Variants in TOM1L1 observed in about 807,000 individuals in gnomAD.
TOM1L1 encodes target of myb1 like 1 membrane trafficking protein, also known as TOM1-like protein 1.
TOM1L1 carries 64 observed loss-of-function variants against 63.4 expected under a neutral mutation model. The observed-to-expected ratio is 1.01, with a 90% CI of 0.83 to 1.24. The LOEUF (loss-of-function observed/expected upper bound fraction) is 1.24. TOM1L1 is among the 50% of genes most tolerant of loss of function. The pLI is 0.00. For synonymous variants in TOM1L1, 166 were observed against 194.4 expected, an observed-to-expected ratio of 0.85 and a Z score of 1.22; for missense variants, 536 against 567.0, an observed-to-expected ratio of 0.95 and a Z score of 0.55.
intron 1 of TOM1L1, among the ~76,000 whole-genome samples, chr17:54,903,072 G>A (rs185795521): frequency 2.6e-5 from 4 of 152,286 alleles, no homozygotes; most frequent in Admixed American, 2.0e-4. Flanking sequence ...AGAAGGAATC[G>A]TGAGATTAAG....
chr17:54,945,826 T>TAA (rs1420461936), intron 11 of TOM1L1, among the ~76,000 whole-genome samples: 1 of 152,192 alleles, frequency 6.6e-6, no homozygotes, highest in Non-Finnish European at 1.5e-5. Context: ...ATAGCTGCCT[T>TAA]AAATATCTCT....
At chr17:54,938,760 G>T in intron 10 of TOM1L1, 164 bp from the exon 11 acceptor site, 1 of 499,200 alleles carries the variant, frequency 2.0e-6, no homozygotes. Flanking sequence ...GAAATCTCAT[G>T]ATTTTAGGGT....
intron 11 of TOM1L1, among the ~76,000 whole-genome samples, chr17:54,944,259 C>T (rs2049081010): frequency 6.6e-6 from 1 of 150,860 alleles, no homozygotes; most frequent in South Asian, 2.1e-4. Context: ...ACCAGCGTGG[C>T]CAAAATGGTG....
chr17:54,950,300 G>A (rs995759748), intron 14 of TOM1L1, among the ~76,000 whole-genome samples, 174 bp downstream of exon 14: 3 of 152,128 alleles, frequency 2.0e-5, no homozygotes, highest in Non-Finnish European at 4.4e-5. Context: ...TGGTCTTATC[G>A]TTCCGGCCTT....
intron 7 of TOM1L1, among the ~76,000 whole-genome samples, chr17:54,924,904 G>A (rs1197672487): frequency 1.3e-5 from 2 of 152,010 alleles, no homozygotes; most frequent in African/African-American, 2.4e-5. Flanking sequence ...AACAATTCAC[G>A]CCTTCTCCAA....
chr17:54,953,945 G>A (rs1253159596), intron 14 of TOM1L1: 1 of 152,202 alleles, frequency 6.6e-6, no homozygotes, highest in African/African-American at 2.4e-5. Flanking sequence ...TAGGAATGCT[G>A]ATGGATTTTC....
chr17:54,920,439 G>T (rs553799372), intron 7 of TOM1L1, among the ~76,000 whole-genome samples: 1 of 152,132 alleles, frequency 6.6e-6, no homozygotes, highest in South Asian at 2.1e-4. Flanking sequence ...GAAGAAATAT[G>T]AAAATAAAAA....
intron 15 of TOM1L1, 134 bp downstream of exon 15, chr17:54,960,761 ATCAT>A: frequency 1.5e-6 from 1 of 670,028 alleles, no homozygotes; most frequent in Middle Eastern, 4.1e-4. Context: ...GTTCCCCTGA[ATCAT>A]TCAAATTGTG....
intron 7 of TOM1L1, among the ~76,000 whole-genome samples, chr17:54,919,188 G>A (rs1222374676): frequency 6.6e-6 from 1 of 152,140 alleles, no homozygotes; most frequent in East Asian, 1.9e-4. Flanking sequence ...AGTCCACAAT[G>A]GCGGCTTTTC....
chr17:54,935,995 C>T (rs1275198308), intron 8 of TOM1L1, among the ~76,000 whole-genome samples: 16 of 151,918 alleles, frequency 1.1e-4, no homozygotes, highest in African/African-American at 3.1e-4. Context: ...TGGTGGCACA[C>T]GCCTGTAATC....
chr17:54,925,251 C>G (rs967330262), intron 7 of TOM1L1, among the ~76,000 whole-genome samples: 1 of 134,552 alleles, frequency 7.4e-6, no homozygotes, highest in Non-Finnish European at 1.6e-5. Flanking sequence ...GCACTTTTGC[C>G]AGAACCTAGA....
chr17:54,939,101 C>A, intron 11 of TOM1L1, 81 bp downstream of exon 11: 1 of 956,380 alleles, frequency 1.0e-6, no homozygotes, highest in Non-Finnish European at 1.6e-6. Flanking sequence ...TGGCTGGGCG[C>A]AGTGACTTAC....
intron 14 of TOM1L1, chr17:54,953,176 C>T (rs2049321665): frequency 6.6e-6 from 1 of 152,354 alleles, no homozygotes; most frequent in African/African-American, 2.4e-5. Context: ...CCCAGGAGTT[C>T]AAGACCAGCC....
chr17:54,959,878 G>A (rs570505818), intron 14 of TOM1L1, among the ~76,000 whole-genome samples: 53 of 152,014 alleles, frequency 3.5e-4, no homozygotes, highest in Non-Finnish European at 6.6e-4. Flanking sequence ...CAGCCTCCCA[G>A]AGTGCTGGGA....
intron 7 of TOM1L1, among the ~76,000 whole-genome samples, chr17:54,926,420 A>G (rs1351377089): frequency 6.6e-6 from 1 of 152,126 alleles, no homozygotes; most frequent in African/African-American, 2.4e-5. Context: ...CTTATCTTGA[A>G]TAGCTGACTT....
chr17:54,936,468 T>C (rs1248345597), intron 8 of TOM1L1, 181 bp from the exon 9 acceptor site: 1 of 482,222 alleles, frequency 2.1e-6, no homozygotes, highest in Admixed American at 4.1e-5. Flanking sequence ...CACAGTTTTC[T>C]CTGAGGGTAT....
In TOM1L1 at chr17:54,936,970, A is replaced by C. The variant is rs1294071402; in HGVS notation, c.916-139A>C. 1.2e-5 allele frequency: 9 copies of C among 760,170 alleles called. No homozygotes were observed. The Admixed American group carries it at 1.5e-4, about 12-fold the overall frequency. The allele number at this position is 760,170 out of a possible 1,614,324, so 47.1% of individuals were successfully genotyped here. On this transcript the variant is annotated intron_variant, in intron 9 of 15. Transcript: ENST00000575882. Reference sequence around the variant, plus strand: ...ATGTAGGTGGTAAGATGGGATTCATACTAATGTTGCTCGTTGAGTGGAGAA... The same window carrying C: ...ATGTAGGTGGTAAGATGGGATTCATCCTAATGTTGCTCGTTGAGTGGAGAA...
chr17:54,957,275 T>G (rs576511051), intron 14 of TOM1L1: 1 of 152,338 alleles, frequency 6.6e-6, no homozygotes, highest in South Asian at 2.1e-4. Flanking sequence ...GTTAAGGGAC[T>G]TAGGAGTCCA....
chr17:54,956,441 G>A (rs746452311), intron 14 of TOM1L1, among the ~76,000 whole-genome samples: 5 of 152,020 alleles, frequency 3.3e-5, no homozygotes, highest in Non-Finnish European at 5.9e-5. Flanking sequence ...AGTAGCTGGG[G>A]ACTACAAGCA....
Sources: allele counts gnomAD v4.1 joint callset (sites outside exome capture counted in the v4.1 genomes callset), GRCh38; gene constraint gnomAD v4.1.1; transcripts MANE v1.5; gene names NCBI Gene and HGNC (gene_info 2026-07-23, HGNC 2026-07-21).